STPG2: variants seen among roughly 807,000 people sequenced by gnomAD.
The protein encoded by STPG2 is sperm tail PG-rich repeat containing 2, also known as sperm-tail PG-rich repeat-containing protein 2.
Under a neutral mutation model 54.2 loss-of-function variants are expected in STPG2, and 56 were observed. The ratio of observed to expected loss-of-function variants is 1.03; its 90% CI spans 0.83 to 1.29. The LOEUF is 1.29. STPG2 is among the 50% of genes most tolerant of loss of function. The pLI is 0.00. For missense variants in STPG2, 596 were observed against 544.9 expected (o/e 1.09, Z -0.93); for synonymous variants, 200 against 181.8 (o/e 1.10, Z -0.81).
In STPG2 at chr4:98,037,130, C is replaced by T. The variant is rs990202292; in HGVS notation, c.613-55812G>A. Among the ~76,000 whole-genome samples the T allele has an allele frequency of 2.2e-4, 34 of 152,072 alleles. 1 individual carries two copies. The highest frequency in any genetic ancestry group is 6.0e-4 in the African/African-American group (25 of 41,514). On this transcript the variant is annotated intron_variant, in intron 5 of 10. Transcript: ENST00000295268. Reference sequence around the variant, plus strand: ...TAATTCTTCAAGGAAGAAAATTTCCCTATTTGTGCTAACTTTTCCAATGAG... The same window carrying T: ...TAATTCTTCAAGGAAGAAAATTTCCTTATTTGTGCTAACTTTTCCAATGAG...
chr4:97,726,323 T>A (rs1724624327), intron 9 of STPG2, among the ~76,000 whole-genome samples: 1 of 151,836 alleles, frequency 6.6e-6, no homozygotes, highest in South Asian at 2.1e-4. Flanking sequence ...TGACAAGAGT[T>A]TCAAGTTTTG....
intron 9 of STPG2, among the ~76,000 whole-genome samples, chr4:97,731,675 G>A (rs1053188055): frequency 1.3e-5 from 2 of 152,120 alleles, no homozygotes; most frequent in African/African-American, 4.8e-5. Flanking sequence ...TGGCAAAGAG[G>A]GTTCACCTTT....
chr4:97,980,166 CAG>C (rs960545553), intron 6 of STPG2, among the ~76,000 whole-genome samples: 4 of 151,668 alleles, frequency 2.6e-5, no homozygotes, highest in Middle Eastern at 3.2e-3. Context: ...GCCTGGATGA[CAG>C]AGAGAGAGAG....
intron 6 of STPG2, 147 bp downstream of exon 6, chr4:97,981,012 T>A (rs964487342): frequency 2.9e-6 from 2 of 692,108 alleles, no homozygotes; most frequent in East Asian, 2.8e-5. Flanking sequence ...GTTTAATGTA[T>A]AGTGAATGCT....
At chr4:97,541,740 C>T (rs1731711950) in intron 4 of STPG2, among the ~76,000 whole-genome samples, 1 of 152,112 alleles carries the variant, frequency 6.6e-6, no homozygotes, top group Non-Finnish European at 1.5e-5. Context: ...GCTACAGTAA[C>T]CAAAACAGCA....
intron 5 of STPG2, among the ~76,000 whole-genome samples, chr4:98,020,682 C>T (rs902406983): frequency 6.6e-6 from 1 of 152,022 alleles, no homozygotes; most frequent in African/African-American, 2.4e-5. Context: ...ACTGATTATT[C>T]CCACAATTTC....
chr4:97,995,141 G>T lies in STPG2; in HGVS notation c.613-13823C>A, dbSNP rs1222284115. 3.3e-5 allele frequency among the ~76,000 whole-genome samples: 5 copies of T among 151,572 alleles called. No individual in the cohort carries two copies. The East Asian group carries it at 9.7e-4, about 29-fold the overall frequency. ...CCCCATGCTGCCTGCACCCCGAAAG[G>T]CCAGTCTCACTCCCACCATTGCCCC... On this transcript the variant is annotated intron_variant, in intron 5 of 10. Transcript: ENST00000295268.
At chr4:97,742,711 AT>A in intron 9 of STPG2, among the ~76,000 whole-genome samples, 1 of 148,462 alleles carries the variant, frequency 6.7e-6, no homozygotes, top group East Asian at 2.0e-4. Context: ...CGTGTGGAAT[AT>A]TTAAAAAAAA....
intron 8 of STPG2, among the ~76,000 whole-genome samples, chr4:97,919,915 C>T (rs953938148): frequency 6.6e-6 from 1 of 152,112 alleles, no homozygotes; most frequent in East Asian, 1.9e-4. Flanking sequence ...CACTGCCCTC[C>T]TTGAATTTAT....
intron 8 of STPG2, among the ~76,000 whole-genome samples, chr4:97,932,022 T>TTGTG (rs1732566958): frequency 6.6e-6 from 1 of 152,132 alleles, no homozygotes; most frequent in Non-Finnish European, 1.5e-5. Context: ...GTTTTGTACT[T>TTGTG]TGTGTGTAGA....
chr4:97,958,291 G>A (rs1158106348), intron 7 of STPG2, among the ~76,000 whole-genome samples: 1 of 149,846 alleles, frequency 6.7e-6, no homozygotes, highest in Non-Finnish European at 1.5e-5. Flanking sequence ...GCCTGAGTGA[G>A]AGAGTGAGGA....
At chr4:97,943,313 T>C (rs762697478) in intron 8 of STPG2, among the ~76,000 whole-genome samples, 1 of 152,150 alleles carries the variant, frequency 6.6e-6, no homozygotes, top group Non-Finnish European at 1.5e-5. Context: ...ACATTATCAC[T>C]GGGTCCAACT....
At chr4:97,909,162 G>T (rs1731579609) in intron 8 of STPG2, among the ~76,000 whole-genome samples, 1 of 151,252 alleles carries the variant, frequency 6.6e-6, no homozygotes, top group South Asian at 2.1e-4. Flanking sequence ...AGCTAATCAG[G>T]AATTTTAAGA....
intron 5 of STPG2, among the ~76,000 whole-genome samples, chr4:98,076,674 A>T (rs1044508828): frequency 6.6e-6 from 1 of 152,168 alleles, no homozygotes; most frequent in Non-Finnish European, 1.5e-5. Flanking sequence ...ATAATGTTGG[A>T]AGACATTTGA....
At chr4:97,946,035 G>C (rs529393781) in intron 7 of STPG2, among the ~76,000 whole-genome samples, 1 of 152,114 alleles carries the variant, frequency 6.6e-6, no homozygotes, top group African/African-American at 2.4e-5. Flanking sequence ...CTCCAGCCTG[G>C]GTAAGGCAGT....
chr4:98,142,690 C>G (rs999584578), intron 1 of STPG2, among the ~76,000 whole-genome samples: 3 of 151,848 alleles, frequency 2.0e-5, no homozygotes, highest in African/African-American at 7.3e-5. Flanking sequence ...TACAAAGCAA[C>G]GAGACAGCGG....
At chr4:97,636,409 C>T (rs1270226222) in intron 10 of STPG2, among the ~76,000 whole-genome samples, 1 of 141,008 alleles carries the variant, frequency 7.1e-6, no homozygotes, top group Non-Finnish European at 1.5e-5. Context: ...AAAATTGACA[C>T]CCTAACATCA....
chr4:97,873,890 T>C (rs1560565855), intron 8 of STPG2, among the ~76,000 whole-genome samples: 1 of 151,580 alleles, frequency 6.6e-6, no homozygotes, highest in African/African-American at 2.4e-5. Context: ...ACAGCACCTT[T>C]TTATTTTTTA....
intron 10 of STPG2, among the ~76,000 whole-genome samples, chr4:97,588,035 A>T (rs1374080931): frequency 2.0e-5 from 3 of 152,024 alleles, no homozygotes; most frequent in Admixed American, 2.0e-4. Context: ...TAGGTAATCA[A>T]ATGTATGATA....
Sources: gnomAD v4.1 joint callset for allele counts (sites outside exome capture counted in the v4.1 genomes callset) on GRCh38, gnomAD v4.1.1 for gene constraint, MANE v1.5 for transcripts, NCBI Gene and HGNC (gene_info 2026-07-23, HGNC 2026-07-21) for gene names.